AGO3: variants seen among roughly 807,000 people sequenced by gnomAD.
AGO3 encodes argonaute RISC catalytic component 3, also known as protein argonaute-3.
AGO3 carries 16 observed loss-of-function variants against 105.5 expected under a neutral mutation model. That is an observed-to-expected ratio of 0.15 (90% confidence interval 0.10 to 0.23). The LOEUF (loss-of-function observed/expected upper bound fraction) is 0.23. Ranked by LOEUF, AGO3 falls within the 10% of genes least tolerant of loss-of-function variation. AGO3 has a pLI of 1.00. For synonymous variants in AGO3, 340 were observed against 367.3 expected (o/e 0.93, Z 0.85); for missense variants, 534 against 1,088.0 (o/e 0.49, Z 7.16).
intron 11 of AGO3, among the ~76,000 whole-genome samples, chr1:36,016,158 A>C (rs1243890324): frequency 6.6e-6 from 1 of 152,168 alleles, no homozygotes; most frequent in Non-Finnish European, 1.5e-5. Context: ...CTTATCCACT[A>C]TTTACCCATC....
intron 5 of AGO3, among the ~76,000 whole-genome samples, chr1:36,000,290 T>A (rs1296934449): frequency 6.6e-6 from 1 of 152,184 alleles, no homozygotes. Context: ...ATATTCCTAA[T>A]TCAAAACTAT....
intron 2 of AGO3, among the ~76,000 whole-genome samples, chr1:35,955,054 G>A (rs958041230): frequency 9.9e-5 from 15 of 152,236 alleles, no homozygotes; most frequent in African/African-American, 3.6e-4. Flanking sequence ...TATAAATAGA[G>A]TAGCTAGAGA....
At chr1:36,044,152 C>T (rs1642363193) in intron 17 of AGO3, among the ~76,000 whole-genome samples, 1 of 152,110 alleles carries the variant, frequency 6.6e-6, no homozygotes, top group South Asian at 2.1e-4. Context: ...TGAGACCAGC[C>T]TGGGCAACAT....
chr1:36,039,975 G>T lies in AGO3; in HGVS notation c.2028G>T (p.Gln676His). Residue 676 changes from glutamine to histidine, a missense_variant, in exon 15 of 19, where the codon CAG (glutamine) becomes CAT (histidine). Physicochemically the swap from Gln to His is conservative, Grantham distance 24 (BLOSUM62 0). Coordinates refer to ENST00000373191, the MANE Select transcript of AGO3 (RefSeq NM_024852.4). ...ATCGGGATGGTGTTTCAGAGGGGCA[G>T]TTTAGGCAGGTTGGTTACCTAGAAT... is the stretch of plus-strand genomic sequence containing the variant. ...IFYRDGVSEG[Q>H]FRQVLYYELL... The T allele has an allele frequency of 6.2e-7, 1 of 1,611,296 alleles. No individual in the cohort carries two copies. The highest frequency in any genetic ancestry group is 1.1e-5 in the South Asian group (1 of 90,686).
In AGO3 at chr1:35,969,602, C is replaced by T. The variant is rs562334385; in HGVS notation, c.313-2422C>T. On this transcript the variant is annotated intron_variant, in intron 3 of 18. Transcript: ENST00000373191. ...CAGTGGGAACTCTTTTAAGCTGACT[C>T]CTGTGTCCTTTTGAAATGACACTTT... 3.4e-3 allele frequency among the ~76,000 whole-genome samples: 518 copies of T among 152,284 alleles called. 2 individuals carry two copies. The highest frequency in any genetic ancestry group is 6.5e-3 in the Non-Finnish European group (444 of 68,016).
In AGO3 at chr1:36,066,763, C is replaced by A. The variant is rs1643100923; in HGVS notation, c.*11018C>A. 1 of 152,046 alleles carries A rather than the reference C, an allele frequency of 6.6e-6. No homozygotes were observed. Among genetic ancestry groups the A allele is most frequent in the African/African-American group, 2.4e-5 (1 of 41,364 alleles). The allele number at this position is 152,046 out of a possible 1,614,324, so 9.4% of individuals were successfully genotyped here. A position where few individuals can be genotyped will look rare whatever the true frequency, so the allele number is the denominator to read the frequency against. ...TCTTTATTGTCAGAATCTGTAGAAA[C>A]TGGAGGTCTTTGTAAAGAAATAGAC... On this transcript the variant is annotated 3_prime_UTR_variant, in exon 19 of 19. Coordinates refer to ENST00000373191, the MANE Select transcript of AGO3 (RefSeq NM_024852.4).
chr1:36,003,926 G>A (rs929061551), intron 5 of AGO3: 19 of 152,120 alleles, frequency 1.2e-4, no homozygotes, highest in African/African-American at 3.2e-4. Context: ...AGGCTGAGGC[G>A]GGAGGATTGC....
chr1:36,028,093 G>A (rs1641589502), intron 12 of AGO3, among the ~76,000 whole-genome samples: 1 of 152,156 alleles, frequency 6.6e-6, no homozygotes, highest in South Asian at 2.1e-4. Context: ...TCAGGCTGGA[G>A]TGCAGTGGTG....
At chr1:35,984,108 A>G (rs1218551062) in intron 5 of AGO3, among the ~76,000 whole-genome samples, 1 of 152,232 alleles carries the variant, frequency 6.6e-6, no homozygotes. Flanking sequence ...TGAGCAAGTA[A>G]TGATTATACA....
At chr1:35,931,557 C>T (rs1429843503) in intron 1 of AGO3, 112 bp downstream of exon 1, 3 of 1,159,422 alleles carry the variant, frequency 2.6e-6, no homozygotes, top group Non-Finnish European at 3.4e-6. Context: ...GGGCGGGCAT[C>T]GCTCGGTCTC....
chr1:35,931,483 C>T lies in AGO3; in HGVS notation c.19+38C>T, dbSNP rs532865126. The T allele has an allele frequency of 2.1e-6, 3 of 1,448,382 alleles. No homozygotes were observed. The Admixed American group carries it at 8.3e-5, about 40-fold the overall frequency. The allele number at this position is 1,448,382 out of a possible 1,614,324, so 89.7% of individuals were successfully genotyped here. A position where few individuals can be genotyped will look rare whatever the true frequency, so the allele number is the denominator to read the frequency against. On this transcript the variant is annotated intron_variant, in intron 1 of 18. Transcript: ENST00000373191. ...AGCTGGGCCAGGTAGGGGATGTCACCCAGCTACTGTCCTCTGAGCATCCCT... is the reference window on the plus strand; with the variant it reads ...AGCTGGGCCAGGTAGGGGATGTCACTCAGCTACTGTCCTCTGAGCATCCCT...
At chr1:36,014,632 G>A (rs1297631554) in intron 11 of AGO3, among the ~76,000 whole-genome samples, 3 of 151,832 alleles carry the variant, frequency 2.0e-5, no homozygotes, top group Non-Finnish European at 4.4e-5. Context: ...TTAGCCAGGC[G>A]TGGTGGTGGG....
chr1:35,985,734 G>C (rs1385302925), intron 5 of AGO3, among the ~76,000 whole-genome samples: 1 of 152,052 alleles, frequency 6.6e-6, no homozygotes, highest in Non-Finnish European at 1.5e-5. Context: ...ACCAAACAAA[G>C]TACAAAGTAT....
chr1:36,049,618 A>G (rs1642619877), intron 17 of AGO3, among the ~76,000 whole-genome samples: 1 of 152,164 alleles, frequency 6.6e-6, no homozygotes, highest in Non-Finnish European at 1.5e-5. Context: ...TATATTTAAA[A>G]TACTGAATTT....
Position 36,059,692 on chromosome 1 carries a change from A to G in AGO3, c.*3947A>G, listed in dbSNP as rs1643004678. ...TGGCATGGAGGACCATACACTTACAATATTGTAGCTGCTATATTTATTTAA... is the reference window on the plus strand; with the variant it reads ...TGGCATGGAGGACCATACACTTACAGTATTGTAGCTGCTATATTTATTTAA... On this transcript the variant is annotated 3_prime_UTR_variant, in exon 19 of 19. Transcript: ENST00000373191. The G allele has an allele frequency of 6.6e-6, 1 of 152,056 alleles. No homozygotes were observed. Among genetic ancestry groups the G allele is most frequent in the South Asian group, 2.1e-4 (1 of 4,826 alleles). 9.4% of individuals were successfully genotyped at this position (152,056 alleles called of 1,614,324 possible).
At chr1:35,939,309 G>C (rs1310244065) in intron 1 of AGO3, among the ~76,000 whole-genome samples, 1 of 151,912 alleles carries the variant, frequency 6.6e-6, no homozygotes, top group Non-Finnish European at 1.5e-5. Flanking sequence ...GCTTATTCAT[G>C]CAACAGAATT....
At position 36,071,040 on chromosome 1, in the gene AGO3, T is replaced by G. The variant is rs550043023; in HGVS notation, c.*15295T>G. ...GTTTATATAGAAAAAAATAATGTCTTTCTTTAGTGTTTGGGGGACTCAATG... is the reference window on the plus strand; with the variant it reads ...GTTTATATAGAAAAAAATAATGTCTGTCTTTAGTGTTTGGGGGACTCAATG... On this transcript the variant is annotated 3_prime_UTR_variant, in exon 19 of 19. Coordinates refer to ENST00000373191, the MANE Select transcript of AGO3 (RefSeq NM_024852.4). 5 of 152,310 alleles carry G rather than the reference T, an allele frequency of 3.3e-5. No individual in the cohort carries two copies. The highest frequency in any genetic ancestry group is 1.3e-4 in the Admixed American group (2 of 15,294). The allele number at this position is 152,310 out of a possible 1,614,324, so 9.4% of individuals were successfully genotyped here. A position where few individuals can be genotyped will look rare whatever the true frequency, so the allele number is the denominator to read the frequency against.
chr1:35,962,674 A>C (rs1646700156), intron 2 of AGO3, among the ~76,000 whole-genome samples: 1 of 152,172 alleles, frequency 6.6e-6, no homozygotes, highest in African/African-American at 2.4e-5. Flanking sequence ...AAATGCCATT[A>C]CAAATTGATT....
intron 5 of AGO3, among the ~76,000 whole-genome samples, chr1:35,995,351 T>C (rs1051867943): frequency 6.6e-6 from 1 of 151,926 alleles, no homozygotes; most frequent in Admixed American, 6.6e-5. Flanking sequence ...GGTGGATTTA[T>C]ACTACCTGTG....
Sources: gnomAD v4.1 joint callset for allele counts (sites outside exome capture counted in the v4.1 genomes callset) on GRCh38, gnomAD v4.1.1 for gene constraint, MANE v1.5 for transcripts, NCBI Gene and HGNC (gene_info 2026-07-23, HGNC 2026-07-21) for gene names.